Variants in GRK3 observed in about 807,000 individuals in gnomAD.
GRK3 encodes the protein G protein-coupled receptor kinase 3.
In GRK3, 54 loss-of-function variants were observed where a neutral mutation model predicts 95.7. The observed-to-expected ratio is 0.56, with a 90% confidence interval of 0.45 to 0.71. GRK3 has a LOEUF of 0.71. Ranked by LOEUF, GRK3 falls within the 30% of genes least tolerant of loss-of-function variation. The pLI, the probability that GRK3 is intolerant of heterozygous loss-of-function variation, is 0.00. For missense variants in GRK3, 649 were observed against 851.2 expected, an observed-to-expected ratio of 0.76 and a Z score of 2.96; for synonymous variants, 281 against 290.8, an observed-to-expected ratio of 0.97 and a Z score of 0.34.
chr22:25,575,609 A>G (rs933326673), intron 1 of GRK3, among the ~76,000 whole-genome samples: 1 of 152,190 alleles, frequency 6.6e-6, no homozygotes, highest in Non-Finnish European at 1.5e-5. Context: ...AGAAAACCCC[A>G]TGGTAGATAG....
At chr22:25,646,635 A>T (rs936963116) in intron 3 of GRK3, among the ~76,000 whole-genome samples, 2 of 152,224 alleles carry the variant, frequency 1.3e-5, no homozygotes, top group Non-Finnish European at 2.9e-5. Flanking sequence ...GGAAAAAAAT[A>T]TTTAAAATAG....
intron 3 of GRK3, among the ~76,000 whole-genome samples, chr22:25,659,779 T>C: frequency 6.6e-6 from 1 of 152,206 alleles, no homozygotes; most frequent in East Asian, 1.9e-4. Context: ...AAGAGTTACC[T>C]TTTCTGTTGT....
chr22:25,618,722 A>AT (rs5844650), intron 2 of GRK3, among the ~76,000 whole-genome samples: 3,644 of 136,184 alleles, frequency 0.027, 144 homozygotes, highest in Admixed American at 0.11. Context: ...GTACCTCTTC[A>AT]TTTTTTTTTT....
At chr22:25,681,724 TCA>T (rs1253704756) in intron 9 of GRK3, among the ~76,000 whole-genome samples, 2 of 152,206 alleles carry the variant, frequency 1.3e-5, no homozygotes, top group East Asian at 3.8e-4. Flanking sequence ...TCCTGTTTTA[TCA>T]CAGTTTTTTT....
chr22:25,698,851 T>G (rs1462735944), intron 13 of GRK3, among the ~76,000 whole-genome samples: 2 of 152,126 alleles, frequency 1.3e-5, no homozygotes, highest in African/African-American at 4.8e-5. Flanking sequence ...GCAAATGACA[T>G]GGCGGCATTG....
chr22:25,585,737 C>G (rs145577455), intron 1 of GRK3, among the ~76,000 whole-genome samples: 5,418 of 152,266 alleles, frequency 0.036, 47 homozygotes, highest in African/African-American at 0.082. Context: ...AACTTAGAGG[C>G]AGAAAAGCGT....
At chr22:25,678,964 C>A in intron 9 of GRK3, 49 bp downstream of exon 9, 2 of 1,255,790 alleles carry the variant, frequency 1.6e-6, no homozygotes, top group South Asian at 1.3e-5. Context: ...TTGTTTGTTT[C>A]ATAGCAGGAT....
chr22:25,688,059 A>G (rs980577054), intron 11 of GRK3, among the ~76,000 whole-genome samples: 5 of 151,956 alleles, frequency 3.3e-5, no homozygotes, highest in African/African-American at 7.3e-5. Context: ...ACACAGTGAA[A>G]CCCCGTCTCT....
At chr22:25,620,460 A>G (rs1288803941) in intron 2 of GRK3, among the ~76,000 whole-genome samples, 1 of 152,060 alleles carries the variant, frequency 6.6e-6, no homozygotes, top group Non-Finnish European at 1.5e-5. Flanking sequence ...AATTGCCTGC[A>G]TTTGCATATC....
At position 25,660,671 on chromosome 22, in the gene GRK3, T is replaced by C. The variant is rs539749534; in HGVS notation, c.265-905T>C. 2.6e-5 allele frequency among the ~76,000 whole-genome samples: 4 copies of C among 152,342 alleles called. No homozygotes were observed. The East Asian group carries it at 7.7e-4, about 29-fold the overall frequency. On this transcript the variant is annotated intron_variant, in intron 3 of 20. Coordinates refer to ENST00000324198, the MANE Select transcript of GRK3 (RefSeq NM_005160.4). ...GTACTATAAGGTAAAAGGTAACCTTTATTTCTATTTAGTTTGTGAAAGGAA... is the reference window on the plus strand; with the variant it reads ...GTACTATAAGGTAAAAGGTAACCTTCATTTCTATTTAGTTTGTGAAAGGAA...
intron 1 of GRK3, among the ~76,000 whole-genome samples, chr22:25,592,801 C>T (rs1419103855): frequency 6.6e-6 from 1 of 151,192 alleles, no homozygotes; most frequent in Admixed American, 6.6e-5. Flanking sequence ...TGCTCCCTTC[C>T]CTCCCTCCCC....
rs2085464364 is a variant in GRK3, at chr22:25,725,200, T to A, written c.*2750T>A. 1 of 183,248 alleles carries A rather than the reference T, an allele frequency of 5.5e-6. No homozygotes were observed. The highest frequency in any genetic ancestry group is 2.3e-5 in the African/African-American group (1 of 42,980). 11.4% of individuals were successfully genotyped at this position (183,248 alleles called of 1,614,324 possible). A position where few individuals can be genotyped will look rare whatever the true frequency, so the allele number is the denominator to read the frequency against. On this transcript the variant is annotated 3_prime_UTR_variant, in exon 21 of 21. Coordinates refer to ENST00000324198, the MANE Select transcript of GRK3 (RefSeq NM_005160.4). ...ATAATTCCTAGATGTTCACCCTTAT[T>A]ACACTCCAACTATTAAAAAGGTCAA...
intron 2 of GRK3, among the ~76,000 whole-genome samples, chr22:25,640,660 T>C (rs1487641456): frequency 6.6e-6 from 1 of 152,230 alleles, no homozygotes; most frequent in East Asian, 1.9e-4. Context: ...AATTTTCTCA[T>C]AGAAACCACT....
At chr22:25,638,627 C>T (rs1181927786) in intron 2 of GRK3, among the ~76,000 whole-genome samples, 2 of 152,198 alleles carry the variant, frequency 1.3e-5, no homozygotes, top group Non-Finnish European at 2.9e-5. Context: ...AATCACAGGC[C>T]ATAGTAATAG....
chr22:25,709,350 T>G (rs1418209350), intron 15 of GRK3, among the ~76,000 whole-genome samples: 1 of 152,192 alleles, frequency 6.6e-6, no homozygotes, highest in East Asian at 1.9e-4. Flanking sequence ...TTTTTTGTAT[T>G]TTTAGTAGAG....
rs113911481 is a variant in GRK3, at chr22:25,716,047, C to T, written c.1654+1477C>T. ...TGTCACCCAGGTTGGAGTGCAGTGG[C>T]GCGATCTCGGCTCACTGCAACCTCC... On this transcript the variant is annotated intron_variant, in intron 18 of 20. Transcript: ENST00000324198. 7.2e-4 allele frequency among the ~76,000 whole-genome samples: 109 copies of T among 152,120 alleles called. 1 individual carries two copies. The highest frequency in any genetic ancestry group is 2.6e-3 in the African/African-American group (106 of 41,504).
chr22:25,687,492 C>T (rs557990644), intron 10 of GRK3, 45 bp from the exon 11 acceptor site: 1 of 1,602,190 alleles, frequency 6.2e-7, no homozygotes, highest in Admixed American at 1.7e-5. Context: ...TATTTGTTTC[C>T]TTTAAATTAA....
intron 1 of GRK3, among the ~76,000 whole-genome samples, chr22:25,569,792 G>A (rs1418500881): frequency 6.6e-6 from 1 of 152,204 alleles, no homozygotes. Context: ...TTAATTGAGA[G>A]CTCATCCTCT....
chr22:25,650,123 C>T (rs947242892), intron 3 of GRK3, among the ~76,000 whole-genome samples: 1 of 152,012 alleles, frequency 6.6e-6, no homozygotes. Context: ...TCCTGAGTAG[C>T]TGGGATTACA....
Sources: gnomAD v4.1 joint callset for allele counts (sites outside exome capture counted in the v4.1 genomes callset) on GRCh38, gnomAD v4.1.1 for gene constraint, MANE v1.5 for transcripts, NCBI Gene and HGNC (gene_info 2026-07-23, HGNC 2026-07-21) for gene names.